AP1G1: variants seen among roughly 807,000 people sequenced by gnomAD.
AP1G1 encodes AP-1 complex subunit gamma-1.
AP1G1 carries 7 observed loss-of-function variants against 108.3 expected under a neutral mutation model. The observed-to-expected ratio is 0.06, with a 90% CI of 0.04 to 0.12. AP1G1 has a LOEUF of 0.12. Among genes scored for constraint, AP1G1 ranks in the 10% least tolerant of loss-of-function variants. The pLI is 1.00. For missense variants in AP1G1, 756 were observed against 1,010.7 expected (o/e 0.75, Z 3.42); for synonymous variants, 379 against 353.5 (o/e 1.07, Z -0.81).
intron 2 of AP1G1, among the ~76,000 whole-genome samples, chr16:71,785,878 T>A (rs1045857523): frequency 6.6e-6 from 1 of 151,386 alleles, no homozygotes; most frequent in Non-Finnish European, 1.5e-5. Flanking sequence ...CGAGACTCCA[T>A]CTCAAAGAAA....
At chr16:71,758,547 T>C in intron 11 of AP1G1, 2 of 592,462 alleles carry the variant, frequency 3.4e-6, no homozygotes, top group South Asian at 2.9e-5. Flanking sequence ...GTTGTATTTA[T>C]CAAAGAGCCA....
At chr16:71,806,765 T>A (rs1406224201) in intron 1 of AP1G1, 2 of 1,254,320 alleles carry the variant, frequency 1.6e-6, no homozygotes, top group African/African-American at 1.5e-5. Flanking sequence ...TGCTTCAGGG[T>A]AATACAGAAC....
At chr16:71,759,780 A>T (rs1040668682) in intron 10 of AP1G1, among the ~76,000 whole-genome samples, 2 of 151,502 alleles carry the variant, frequency 1.3e-5, no homozygotes, top group Non-Finnish European at 2.9e-5. Flanking sequence ...AAAATTAATT[A>T]AATTAAATTA....
chr16:71,762,480 T>C (rs945557268), intron 9 of AP1G1, among the ~76,000 whole-genome samples: 17 of 152,232 alleles, frequency 1.1e-4, no homozygotes, highest in African/African-American at 2.2e-4. Context: ...TATTAGACGA[T>C]TGGAACTTTC....
At chr16:71,766,966 A>G (rs1294944579) in intron 6 of AP1G1, among the ~76,000 whole-genome samples, 2 of 152,262 alleles carry the variant, frequency 1.3e-5, no homozygotes, top group Non-Finnish European at 2.9e-5. Context: ...AGATAATAAT[A>G]TACCTTTTAA....
chr16:71,742,634 A>G (rs372201479), intron 19 of AP1G1: 3 of 152,270 alleles, frequency 2.0e-5, no homozygotes, highest in South Asian at 2.1e-4. Flanking sequence ...AATTGATGTA[A>G]TATTTGTTGA....
chr16:71,786,865 T>C (rs1462820190), intron 2 of AP1G1, among the ~76,000 whole-genome samples: 1 of 151,996 alleles, frequency 6.6e-6, no homozygotes, highest in Non-Finnish European at 1.5e-5. Context: ...GAGTTCAAAA[T>C]GAGCCTGAGC....
chr16:71,764,111 A>G (rs923806038), intron 9 of AP1G1, among the ~76,000 whole-genome samples: 14 of 152,214 alleles, frequency 9.2e-5, no homozygotes, highest in Admixed American at 8.5e-4. Flanking sequence ...CACCAATGAT[A>G]AGACAAATAT....
chr16:71,803,240 G>C (rs536583065), intron 1 of AP1G1, among the ~76,000 whole-genome samples: 1 of 151,898 alleles, frequency 6.6e-6, no homozygotes, highest in African/African-American at 2.4e-5. Context: ...TAAATAATAA[G>C]ATGTTTTTAT....
At position 71,748,231 on chromosome 16, in the gene AP1G1, T is replaced by A; in HGVS notation, c.1625+20A>T. 1 of 1,604,912 alleles carries A rather than the reference T, an allele frequency of 6.2e-7. No homozygotes were observed. Among genetic ancestry groups the A allele is most frequent in the Non-Finnish European group, 8.5e-7 (1 of 1,178,022 alleles). ...TAATTACAAAACAACCTGTTCACCC[T>A]ATGTTTCTTCAATACTCACTTTACA... On this transcript the variant is annotated intron_variant, in intron 16 of 22. Coordinates refer to ENST00000299980, the MANE Select transcript of AP1G1 (RefSeq NM_001128.6).
At chr16:71,766,299 G>T in intron 6 of AP1G1, 2 of 235,420 alleles carry the variant, frequency 8.5e-6, no homozygotes, top group South Asian at 5.0e-5. Context: ...CTGTTTTCTT[G>T]TCTTTTCAAT....
intron 6 of AP1G1, among the ~76,000 whole-genome samples, chr16:71,768,596 A>T (rs1275501955): frequency 6.6e-6 from 1 of 151,366 alleles, no homozygotes; most frequent in Non-Finnish European, 1.5e-5. Flanking sequence ...AAAAGTAATA[A>T]AAAAATTTTT....
chr16:71,748,465 C>T, intron 15 of AP1G1, 87 bp from the exon 16 acceptor site: 5 of 1,429,920 alleles, frequency 3.5e-6, no homozygotes, highest in Non-Finnish European at 4.7e-6. Flanking sequence ...GGGAAGCAGC[C>T]AGAAAGACAA....
Position 71,808,813 on chromosome 16 carries a change from T to G in AP1G1, c.-54A>C, listed in dbSNP as rs748031172. ...GCAGCTCCGGGGGCGGCGGCAGCAGTGGCAGCAGGAACCGAACATCCAAAA... is the reference window on the plus strand; with the variant it reads ...GCAGCTCCGGGGGCGGCGGCAGCAGGGGCAGCAGGAACCGAACATCCAAAA... On this transcript the variant is annotated 5_prime_UTR_variant, in exon 1 of 23. Transcript: ENST00000299980. 3.0e-4 allele frequency: 385 copies of G among 1,289,470 alleles called. No individual in the cohort carries two copies. Among genetic ancestry groups the G allele is most frequent in the Non-Finnish European group, 3.6e-4 (359 of 988,776 alleles). 79.9% of individuals were successfully genotyped at this position (1,289,470 alleles called of 1,614,324 possible).
intron 2 of AP1G1, chr16:71,777,574 C>A: frequency 2.7e-6 from 1 of 372,326 alleles, no homozygotes. Flanking sequence ...CCGAGAGAGG[C>A]CTCCCATCCC....
chr16:71,792,297 G>GT (rs2032433499), intron 1 of AP1G1, among the ~76,000 whole-genome samples: 1 of 152,150 alleles, frequency 6.6e-6, no homozygotes. Context: ...GTTAAGCTAT[G>GT]TCCCTTTTGG....
At chr16:71,807,185 GGAGGCC>G (rs72083855) in intron 1 of AP1G1, among the ~76,000 whole-genome samples, 42,965 of 151,866 alleles carry the variant, frequency 0.28, 7,898 homozygotes, top group East Asian at 0.76. Context: ...TAGCACTTTG[GGAGGCC>G]GAGGCGGGCG....
intron 13 of AP1G1, 115 bp from the exon 14 acceptor site, chr16:71,750,447 C>T: frequency 1.5e-6 from 2 of 1,303,904 alleles, no homozygotes; most frequent in Non-Finnish European, 2.1e-6. Flanking sequence ...CAGAGTCTCG[C>T]TCTGTCACCC....
rs1418358566 is a variant in AP1G1 at position 71,729,130 on chromosome 16, C to T, written c.*3928G>A. 6.6e-6 allele frequency: 1 copy of T among 151,670 alleles called. No individual in the cohort carries two copies. The allele number at this position is 151,670 out of a possible 1,614,324, so 9.4% of individuals were successfully genotyped here. The stretch of plus-strand genomic sequence containing the variant: ...GTTTACATCCATTTTATTCCTCACT[C>T]GCCTCTAAGACTTATCATTTAACTT... On this transcript the variant is annotated 3_prime_UTR_variant, in exon 23 of 23. Coordinates refer to ENST00000299980, the MANE Select transcript of AP1G1 (RefSeq NM_001128.6).
Sources: gnomAD v4.1 joint callset for allele counts (sites outside exome capture counted in the v4.1 genomes callset) on GRCh38, gnomAD v4.1.1 for gene constraint, MANE v1.5 for transcripts, NCBI Gene and HGNC (gene_info 2026-07-23, HGNC 2026-07-21) for gene names.